BBX: variants seen among roughly 807,000 people sequenced by gnomAD.
BBX encodes BBX high mobility group box domain containing.
BBX carries 30 observed loss-of-function variants against 100.2 expected under a neutral mutation model. The observed-to-expected ratio is 0.30, with a 90% CI of 0.22 to 0.41. BBX has a LOEUF of 0.41. Ranked by LOEUF, BBX falls within the 10% of genes least tolerant of loss-of-function variation. The pLI is 1.00. For missense variants in BBX, 1,023 were observed against 1,129.8 expected, an observed-to-expected ratio of 0.91 and a Z score of 1.35; for synonymous variants, 376 against 388.1, an observed-to-expected ratio of 0.97 and a Z score of 0.37.
intron 3 of BBX, among the ~76,000 whole-genome samples, chr3:107,651,340 T>G (rs2057827420): frequency 6.6e-6 from 1 of 152,242 alleles, no homozygotes; most frequent in African/African-American, 2.4e-5. Context: ...GAATTCCTGT[T>G]TCTTCCACTT....
chr3:107,682,758 A>G (rs1021504), intron 3 of BBX, among the ~76,000 whole-genome samples: 23,908 of 152,150 alleles, frequency 0.16, 2,405 homozygotes, highest in African/African-American at 0.29. Context: ...TGAATTACAG[A>G]CAAAAAGGCT....
chr3:107,559,502 G>A (rs1163535788), intron 2 of BBX, among the ~76,000 whole-genome samples: 1 of 152,200 alleles, frequency 6.6e-6, no homozygotes, highest in South Asian at 2.1e-4. Context: ...TTCTGAGGTG[G>A]AGGGTGATAG....
chr3:107,612,504 C>T, intron 2 of BBX, among the ~76,000 whole-genome samples: 1 of 152,154 alleles, frequency 6.6e-6, no homozygotes, highest in Non-Finnish European at 1.5e-5. Flanking sequence ...TGTAGAGGTA[C>T]TACCTTGGTG....
At chr3:107,657,155 G>T (rs2058192406) in intron 3 of BBX, 1 of 152,122 alleles carries the variant, frequency 6.6e-6, no homozygotes, top group Non-Finnish European at 1.5e-5. Flanking sequence ...GGTTTAGGGG[G>T]CTTTACTATT....
intron 2 of BBX, among the ~76,000 whole-genome samples, chr3:107,617,558 G>A (rs944392037): frequency 3.3e-5 from 5 of 151,718 alleles, no homozygotes; most frequent in Admixed American, 1.3e-4. Context: ...TTTTCCATCA[G>A]CATTTTACAG....
intron 7 of BBX, among the ~76,000 whole-genome samples, chr3:107,744,366 CCT>C (rs2064390929): frequency 6.6e-6 from 1 of 152,008 alleles, no homozygotes; most frequent in Non-Finnish European, 1.5e-5. Flanking sequence ...GAAATCCTTC[CCT>C]CTCTAACATT....
At chr3:107,796,730 A>G (rs1399523763) in intron 15 of BBX, among the ~76,000 whole-genome samples, 1 of 152,206 alleles carries the variant, frequency 6.6e-6, no homozygotes, top group Non-Finnish European at 1.5e-5. Context: ...ACTAAAAAAA[A>G]AAAACTTAAA....
At chr3:107,684,219 G>A (rs1434286238) in intron 3 of BBX, among the ~76,000 whole-genome samples, 1 of 152,088 alleles carries the variant, frequency 6.6e-6, no homozygotes, top group Admixed American at 6.6e-5. Flanking sequence ...ATGAACCATG[G>A]AGATGACGGA....
chr3:107,613,538 G>C (rs1344595418), intron 2 of BBX, among the ~76,000 whole-genome samples: 2 of 151,850 alleles, frequency 1.3e-5, no homozygotes, highest in African/African-American at 4.8e-5. Flanking sequence ...GTTGAAAACT[G>C]TAACGTATGA....
intron 2 of BBX, among the ~76,000 whole-genome samples, chr3:107,596,223 C>T (rs144968709): frequency 6.6e-6 from 1 of 151,872 alleles, no homozygotes; most frequent in African/African-American, 2.4e-5. Flanking sequence ...TGGCTGATTT[C>T]CATGCCTACT....
intron 2 of BBX, 121 bp downstream of exon 2, chr3:107,526,519 C>T (rs1321777646): frequency 5.1e-6 from 2 of 395,784 alleles, no homozygotes; most frequent in Non-Finnish European, 8.9e-6. Context: ...AACCTTGTCT[C>T]ACTGAGTTTC....
At chr3:107,703,616 G>A (rs2061216358) in intron 3 of BBX, among the ~76,000 whole-genome samples, 1 of 152,182 alleles carries the variant, frequency 6.6e-6, no homozygotes, top group Admixed American at 6.5e-5. Flanking sequence ...CAGAGTTAAA[G>A]TTTCAACTTG....
intron 3 of BBX, among the ~76,000 whole-genome samples, chr3:107,679,401 A>G (rs1248651934): frequency 6.6e-6 from 1 of 152,120 alleles, no homozygotes; most frequent in East Asian, 1.9e-4. Context: ...CTTGAGTCGC[A>G]TATTTTCTCA....
At chr3:107,795,693 C>G (rs939723771) in intron 15 of BBX, among the ~76,000 whole-genome samples, 1 of 127,036 alleles carries the variant, frequency 7.9e-6, no homozygotes, top group South Asian at 2.9e-4. Flanking sequence ...CTCCAATATA[C>G]TGACCCTTGG....
At chr3:107,698,309 T>A (rs528945682) in intron 3 of BBX, among the ~76,000 whole-genome samples, 2 of 151,674 alleles carry the variant, frequency 1.3e-5, no homozygotes, top group Non-Finnish European at 2.9e-5. Flanking sequence ...AGATGAAATT[T>A]AATATATATA....
In BBX at chr3:107,716,656, A is replaced by G; in HGVS notation, c.212A>G (p.Glu71Gly). 1 of 1,613,838 alleles carries G rather than the reference A, an allele frequency of 6.2e-7. No homozygotes were observed. Among genetic ancestry groups the G allele is most frequent in the Non-Finnish European group, 8.5e-7 (1 of 1,179,786 alleles). ...DGLEQDVGET[E>G]DDESPEQRAR... The stretch of plus-strand genomic sequence containing the variant: ...CTAGAGCAAGATGTTGGTGAAACTG[A>G]AGATGATGAATCACCAGAGCAGCGA... Residue 71 changes from glutamate (E) to glycine (G), a missense_variant, in exon 5 of 18, where the codon GAA (glutamate) becomes GGA (glycine). Around this residue, in one of 9 missense-constraint regions of BBX, gnomAD observed 229 missense variants for 226.3 expected, o/e 1.01. Transcript: ENST00000325805.
At chr3:107,523,462 G>GAGTA (rs1168667801) in intron 1 of BBX, 2 of 152,980 alleles carry the variant, frequency 1.3e-5, no homozygotes, top group African/African-American at 4.8e-5. Context: ...CCGGGCTGGG[G>GAGTA]AGTAGTAGGC....
chr3:107,621,205 T>C (rs1306916049), intron 2 of BBX, among the ~76,000 whole-genome samples: 1 of 152,112 alleles, frequency 6.6e-6, no homozygotes, highest in Admixed American at 6.5e-5. Context: ...AGCTGACTTT[T>C]GGGGGGAGCT....
At chr3:107,601,244 T>C (rs1482003597) in intron 2 of BBX, among the ~76,000 whole-genome samples, 1 of 152,140 alleles carries the variant, frequency 6.6e-6, no homozygotes, top group African/African-American at 2.4e-5. Context: ...CACAACAATA[T>C]TGAAATTAGG....
Sources: allele counts gnomAD v4.1 joint callset (sites outside exome capture counted in the v4.1 genomes callset), GRCh38; gene constraint gnomAD v4.1.1; regional missense constraint gnomAD v4.1.1; transcripts MANE v1.5; gene names NCBI Gene and HGNC (gene_info 2026-07-23, HGNC 2026-07-21).